Variants in DMD observed in about 807,000 individuals in gnomAD.
DMD encodes the protein mutant dystrophin.
DMD carries 63 observed loss-of-function variants against 330.1 expected under a neutral mutation model. That is an observed-to-expected ratio of 0.19 (90% CI 0.16 to 0.24). The LOEUF is 0.24. Ranked by LOEUF, DMD falls within the 10% of genes least tolerant of loss-of-function variation. The probability of loss-of-function intolerance (pLI) is 1.00; values close to 1 mark genes in which losing one functional copy is unlikely to be tolerated. For synonymous variants in DMD, 1,223 were observed against 959.8 expected (o/e 1.27, Z -5.07); for missense variants, 3,344 against 2,684.1 (o/e 1.25, Z -5.43).
rs1306027302 is a variant in DMD at position 32,364,671 on chromosome X, C to A, written c.5065G>T (p.Asp1689Tyr). 8.3e-7 allele frequency: 1 copy of A among 1,209,471 alleles called. No individual in the cohort carries two copies. The highest frequency in any genetic ancestry group is 1.1e-6 in the Non-Finnish European group (1 of 893,773). ...TGAATGATCCACTTTGTGATGTGGT[C>A]CACATTCTGGTCAAAAGTTTCCATG... is the stretch of plus-strand genomic sequence containing the variant. ...KHMETFDQNV[D>Y]HITKWIIQAD... The change falls in exon 36 of 79, where the codon GAC (aspartate) becomes TAC (tyrosine). Residue 1689 changes from aspartate (D) to tyrosine (Y), a missense_variant. By Grantham distance (160) the Asp-to-Tyr change is radical. Transcript: ENST00000357033.
intron 41 of DMD, among the ~76,000 whole-genome samples, chrX:32,314,689 T>G (rs1052281753): frequency 4.5e-5 from 5 of 110,418 alleles, no homozygotes; most frequent in Non-Finnish European, 9.5e-5. Flanking sequence ...TTAAACAAAT[T>G]TACAAGAAAA....
At chrX:32,603,648 G>A (rs1464218923) in intron 12 of DMD, among the ~76,000 whole-genome samples, 8 of 111,037 alleles carry the variant, frequency 7.2e-5, no homozygotes, top group Non-Finnish European at 1.1e-4. Context: ...AATCAAATAA[G>A]CAAAGTCAGA....
chrX:32,939,727 T>A (rs1362557365), intron 2 of DMD, among the ~76,000 whole-genome samples: 1 of 111,129 alleles, frequency 9.0e-6, no homozygotes, highest in South Asian at 3.7e-4. Context: ...AAAATCAATA[T>A]ACAAAAATCA....
At chrX:32,156,986 C>T (rs999381990) in intron 44 of DMD, among the ~76,000 whole-genome samples, 2 of 111,993 alleles carry the variant, frequency 1.8e-5, no homozygotes, top group African/African-American at 6.5e-5. Context: ...GTGTGCCTAT[C>T]GGGACAGCTG....
chrX:32,913,024 T>C (rs1156250369), intron 2 of DMD, among the ~76,000 whole-genome samples: 1 of 112,341 alleles, frequency 8.9e-6, no homozygotes, highest in Non-Finnish European at 1.9e-5. Flanking sequence ...TTGTTTTTGT[T>C]TTTTAAATCT....
At chrX:32,711,272 T>G in intron 7 of DMD, among the ~76,000 whole-genome samples, 1 of 111,622 alleles carries the variant, frequency 9.0e-6, no homozygotes, top group East Asian at 2.8e-4. Flanking sequence ...CTCTCTCAAA[T>G]ACCTCTCCCT....
At position 31,297,304 on chromosome X, in the gene DMD, A is replaced by C. The variant is rs191385443; in HGVS notation, c.9224+26294T>G. Among the ~76,000 whole-genome samples, 8 of 111,052 alleles carry C rather than the reference A, an allele frequency of 7.2e-5. No homozygotes were observed. The East Asian group carries it at 2.0e-3, about 28-fold the overall frequency. On this transcript the variant is annotated intron_variant, in intron 62 of 78. Transcript: ENST00000357033. ...GAAAAGAGCAAGAGGTAGAGTAGAG[A>C]TGCAATCTGAAGACCGCTATTCCCA...
chrX:31,475,929 G>T (rs754781001), intron 59 of DMD, among the ~76,000 whole-genome samples: 1 of 111,596 alleles, frequency 9.0e-6, no homozygotes, highest in Non-Finnish European at 1.9e-5. Context: ...ATAAACAGTT[G>T]TTGAGTGAAT....
chrX:31,450,660 A>T (rs771296799), intron 59 of DMD, among the ~76,000 whole-genome samples: 28 of 112,188 alleles, frequency 2.5e-4, no homozygotes, highest in Non-Finnish European at 4.9e-4. Flanking sequence ...TAAGAGAAGC[A>T]GAGTCTGAGT....
At chrX:32,320,118 GC>G (rs1343725832) in intron 41 of DMD, among the ~76,000 whole-genome samples, 3 of 110,579 alleles carry the variant, frequency 2.7e-5, no homozygotes, top group African/African-American at 9.8e-5. Flanking sequence ...CTCCTATATC[GC>G]TTTTAACTTC....
chrX:32,723,187 A>G (rs12845911), intron 7 of DMD, among the ~76,000 whole-genome samples: 6,749 of 111,380 alleles, frequency 0.061, 477 homozygotes, highest in African/African-American at 0.21. Flanking sequence ...GTATTGAGAT[A>G]ATCATGTGGT....
At chrX:31,771,140 A>G (rs1160516029) in intron 51 of DMD, among the ~76,000 whole-genome samples, 1 of 111,325 alleles carries the variant, frequency 9.0e-6, no homozygotes, top group Non-Finnish European at 1.9e-5. Context: ...TCCTGAAATT[A>G]TAACAAAATC....
intron 60 of DMD, among the ~76,000 whole-genome samples, chrX:31,410,689 T>G (rs1255472193): frequency 4.6e-5 from 5 of 108,933 alleles, no homozygotes; most frequent in Non-Finnish European, 9.5e-5. Flanking sequence ...TTTGAGAGTT[T>G]AGAGTAATGG....
intron 29 of DMD, among the ~76,000 whole-genome samples, chrX:32,435,240 TTA>T (rs2098255422): frequency 1.1e-5 from 1 of 91,705 alleles, no homozygotes; most frequent in East Asian, 4.2e-4. Context: ...TTACATATTT[TTA>T]AATATATATT....
chrX:33,318,606 TTTTG>T (rs923550666), intron 1 of DMD, among the ~76,000 whole-genome samples: 138 of 108,179 alleles, frequency 1.3e-3, no homozygotes, highest in East Asian at 7.1e-3. Flanking sequence ...AAAATTTTTT[TTTTG>T]TTTGTTTGTA....
intron 7 of DMD, among the ~76,000 whole-genome samples, chrX:32,727,493 A>C (rs57271305): frequency 0.077 from 8,453 of 109,890 alleles, 811 homozygotes; most frequent in African/African-American, 0.27. Context: ...TAATCACCTT[A>C]ATTAATTTTT....
intron 50 of DMD, among the ~76,000 whole-genome samples, chrX:31,777,824 T>C (rs1178481184): frequency 8.9e-6 from 1 of 112,172 alleles, no homozygotes; most frequent in East Asian, 2.8e-4. Flanking sequence ...ACTATGTGGA[T>C]TTTTTTCTTC....
intron 1 of DMD, among the ~76,000 whole-genome samples, chrX:33,167,973 C>A (rs1468392259): frequency 9.0e-6 from 1 of 110,859 alleles, no homozygotes; most frequent in Non-Finnish European, 1.9e-5. Flanking sequence ...ACAGTAAGCA[C>A]CATTAATGGC....
At chrX:31,451,280 C>T (rs1399723477) in intron 59 of DMD, among the ~76,000 whole-genome samples, 8 of 53,092 alleles carry the variant, frequency 1.5e-4, no homozygotes, top group Admixed American at 2.7e-4. Context: ...CCTTTCTTTC[C>T]TTTTTTTTTT....
Sources: allele counts gnomAD v4.1 joint callset (sites outside exome capture counted in the v4.1 genomes callset), GRCh38; gene constraint gnomAD v4.1.1; transcripts MANE v1.5; gene names NCBI Gene and HGNC (gene_info 2026-07-23, HGNC 2026-07-21).